Variants in SNAPC4 observed in about 807,000 individuals in gnomAD.
The protein encoded by SNAPC4 is small nuclear RNA activating complex polypeptide 4.
In SNAPC4, 127 loss-of-function variants were observed where a neutral mutation model predicts 151.3. That is an observed-to-expected ratio of 0.84 (90% CI 0.73 to 0.97). The LOEUF (loss-of-function observed/expected upper bound fraction) is 0.97. Among genes scored for constraint, SNAPC4 ranks in the 50% least tolerant of loss-of-function variants. The pLI, the probability that SNAPC4 is intolerant of heterozygous loss-of-function variation, is 0.00. For missense variants in SNAPC4, 2,186 were observed against 1,935.0 expected, an observed-to-expected ratio of 1.13 and a Z score of -2.43; for synonymous variants, 1,002 against 824.4, an observed-to-expected ratio of 1.22 and a Z score of -3.69.
Position 136,394,991 on chromosome 9 carries a change from C to G in SNAPC4, c.472-113G>C, listed in dbSNP as rs575062100. ...TCGGGCTCCCCCTGCCTCCTGTTCTCCCGTACTGTGAGGCTGTGGGGGTGC... is the reference window on the plus strand; with the variant it reads ...TCGGGCTCCCCCTGCCTCCTGTTCTGCCGTACTGTGAGGCTGTGGGGGTGC... On this transcript the variant is annotated intron_variant, in intron 5 of 23. Coordinates refer to ENST00000684778, the MANE Select transcript of SNAPC4 (RefSeq NM_003086.4). 8.3e-5 allele frequency: 81 copies of G among 978,002 alleles called. 1 individual carries two copies. Among genetic ancestry groups the G allele is most frequent in the South Asian group, 6.5e-4 (41 of 62,886 alleles). The allele number at this position is 978,002 out of a possible 1,614,324, so 60.6% of individuals were successfully genotyped here. A position where few individuals can be genotyped will look rare whatever the true frequency, so the allele number is the denominator to read the frequency against.
In SNAPC4 at chr9:136,379,361, C is replaced by T. The variant is rs111659879; in HGVS notation, c.2528-62G>A. 47 of 1,596,742 alleles carry T rather than the reference C, an allele frequency of 2.9e-5. 1 individual carries two copies. The highest frequency in any genetic ancestry group is 1.6e-4 in the African/African-American group (12 of 74,766). On this transcript the variant is annotated intron_variant, in intron 21 of 23. Transcript: ENST00000684778. ...GGCATCTGGCCCAGGGACAGCCCCT[C>T]GCTGCCATCCCCTCATCAGGAGGGA...
chr9:136,397,796 G>A (rs924262280), intron 2 of SNAPC4, among the ~76,000 whole-genome samples: 4 of 151,886 alleles, frequency 2.6e-5, no homozygotes, highest in Non-Finnish European at 5.9e-5. Context: ...GGTGTGAGCT[G>A]TGTTGACCAT....
At chr9:136,380,979 C>G in intron 19 of SNAPC4, 129 bp from the exon 20 acceptor site, 1 of 621,780 alleles carries the variant, frequency 1.6e-6, no homozygotes, top group Middle Eastern at 2.8e-4. Context: ...GCCTTCCTGC[C>G]CTTCTGATGC....
Position 136,384,773 on chromosome 9 carries a change from C to T in SNAPC4, c.1367G>A (p.Trp456Ter), listed in dbSNP as rs1833832372. 6.3e-7 allele frequency: 1 copy of T among 1,596,704 alleles called. No individual in the cohort carries two copies. The highest frequency in any genetic ancestry group is 1.3e-5 in the African/African-American group (1 of 74,430). Residue 456 changes from tryptophan to a stop codon, truncating the protein, a stop_gained, in exon 14 of 24, where the codon TGG becomes TAG. Transcript: ENST00000684778. LOFTEE classifies it high-confidence loss of function. ...RLHFSLKKGR[W>*]NLKEEEQLIE... ...TAACTGTTCCTCTTCTTTTAAATTC[C>T]ACCGACCCTTTTTCAAGCTGAAATG... is the stretch of plus-strand genomic sequence containing the variant.
At position 136,386,697 on chromosome 9, in the gene SNAPC4, G is replaced by A. The variant is rs1833901786; in HGVS notation, c.1325+788C>T. Reference sequence around the variant, plus strand: ...GATCCGCCGGCCTCGGCCTCCCAAAGTGTTGGGATTATAGGCGTGAGCCAC... The same window carrying A: ...GATCCGCCGGCCTCGGCCTCCCAAAATGTTGGGATTATAGGCGTGAGCCAC... On this transcript the variant is annotated intron_variant, in intron 13 of 23. Coordinates refer to ENST00000684778, the MANE Select transcript of SNAPC4 (RefSeq NM_003086.4). Among the ~76,000 whole-genome samples the A allele has an allele frequency of 3.3e-5, 5 of 152,262 alleles. No homozygotes were observed. In the South Asian group the frequency reaches 1.0e-3, roughly 32 times the overall value.
chr9:136,398,254 G>A, intron 2 of SNAPC4, 45 bp downstream of exon 2: 2 of 1,578,062 alleles, frequency 1.3e-6, no homozygotes, highest in East Asian at 4.5e-5. Flanking sequence ...AGGCAGACCA[G>A]CTGTTCTTAC....
At position 136,376,450 on chromosome 9, in the gene SNAPC4, G is replaced by A. The variant is rs1268445499; in HGVS notation, c.4316C>T (p.Ser1439Phe). 7 of 1,613,436 alleles carry A rather than the reference G, an allele frequency of 4.3e-6. No individual in the cohort carries two copies. The highest frequency in any genetic ancestry group is 4.5e-5 in the East Asian group (2 of 44,880). ...GAPDSGKCSASSCLDTSNDPD... is the reference protein window; with the variant it reads ...GAPDSGKCSAFSCLDTSNDPD... ...GTCATTAGAAGTATCCAGGCAGGAG[G>A]AAGCAGAGCATTTACCAGAGTCTGG... is the stretch of plus-strand genomic sequence containing the variant. The change falls in exon 23 of 24, where the codon TCC becomes TTC. Residue 1439 changes from serine to phenylalanine, a missense_variant. Coordinates refer to ENST00000684778, the MANE Select transcript of SNAPC4 (RefSeq NM_003086.4).
intron 16 of SNAPC4, 142 bp from the exon 17 acceptor site, chr9:136,382,478 C>A (rs1001499089): frequency 1.4e-6 from 1 of 728,676 alleles, no homozygotes; most frequent in Middle Eastern, 2.5e-4. Flanking sequence ...CTCATGGGAA[C>A]GTCCACCATG....
chr9:136,397,726 AGAGCACTTGGGGTGGG>A (rs1306834890), intron 2 of SNAPC4, among the ~76,000 whole-genome samples: 23 of 36,726 alleles, frequency 6.3e-4, no homozygotes, highest in South Asian at 2.5e-3. Flanking sequence ...CGTGGGGAGG[AGAGCACTTGGGGTGGG>A]GAGCACGTGG....
At position 136,395,428 on chromosome 9, in the gene SNAPC4, G is replaced by A. The variant is rs1834233465; in HGVS notation, c.346-5C>T. The A allele has an allele frequency of 2.5e-6, 4 of 1,612,082 alleles. No homozygotes were observed. In the African/African-American group the frequency reaches 5.3e-5, roughly 21 times the overall value. On this transcript the variant is annotated splice_polypyrimidine_tract_variant and splice_region_variant and intron_variant, in intron 4 of 23. Coordinates refer to ENST00000684778, the MANE Select transcript of SNAPC4 (RefSeq NM_003086.4). ...CAGATCCCTCATGAGTTCCTCCTGT[G>A]ACAGACACAAGGCAGGGACCCCTCT...
At chr9:136,387,046 C>T (rs534387796) in intron 13 of SNAPC4, among the ~76,000 whole-genome samples, 3 of 152,324 alleles carry the variant, frequency 2.0e-5, no homozygotes, top group East Asian at 3.9e-4. Flanking sequence ...CGCCCAGCTT[C>T]GGAAATATAC....
intron 10 of SNAPC4, among the ~76,000 whole-genome samples, chr9:136,391,555 AGTCCTTAC>A (rs144719206): frequency 0.23 from 34,304 of 152,148 alleles, 4,062 homozygotes; most frequent in Admixed American, 0.27. Context: ...TAAAGAACTG[AGTCCTTAC>A]TCAGGAAACC....
chr9:136,392,130 C>T lies in SNAPC4; in HGVS notation c.811-24G>A, dbSNP rs1212433585. ...AACTGCACCGACAGAGACACTCAGC[C>T]TTGCAGGCCACTGACCCCAGGGGCA... On this transcript the variant is annotated intron_variant, in intron 9 of 23. Coordinates refer to ENST00000684778, the MANE Select transcript of SNAPC4 (RefSeq NM_003086.4). 1.9e-6 allele frequency: 3 copies of T among 1,610,074 alleles called. 1 individual carries two copies. Among genetic ancestry groups the T allele is most frequent in the African/African-American group, 2.7e-5 (2 of 75,032 alleles).
chr9:136,379,350 G>T, intron 21 of SNAPC4, 51 bp from the exon 22 acceptor site: 1 of 1,606,104 alleles, frequency 6.2e-7, no homozygotes, highest in South Asian at 1.1e-5. Flanking sequence ...TCTGGCCCAG[G>T]GACAGCCCCT....
At chr9:136,390,615 G>A (rs1203620109) in intron 10 of SNAPC4, among the ~76,000 whole-genome samples, 1 of 150,708 alleles carries the variant, frequency 6.6e-6, no homozygotes, top group Non-Finnish European at 1.5e-5. Context: ...CGCAAGCTGG[G>A]CTGAATCCCT....
At chr9:136,396,714 G>C (rs1237685819) in intron 3 of SNAPC4, among the ~76,000 whole-genome samples, 6 of 152,200 alleles carry the variant, frequency 3.9e-5, no homozygotes, top group Non-Finnish European at 8.8e-5. Flanking sequence ...TTCCGCAAGT[G>C]ACAGATGCCA....
In SNAPC4 at chr9:136,377,894, C is replaced by T. The variant is rs759939321; in HGVS notation, c.3933G>A (p.Leu1311=). 4.3e-6 allele frequency: 7 copies of T among 1,611,430 alleles called. No homozygotes were observed. Among genetic ancestry groups the T allele is most frequent in the South Asian group, 3.3e-5 (3 of 91,070 alleles). ...LPYQPPALCS[L]RALSGLLLHK... ...GGAGTAGGAGACCGGACAGAGCTCG[C>T]AGGCTGCACAGGGCTGGGGGCTGAT... The change falls in exon 22 of 24, where the codon CTG becomes CTA. Residue 1311 remains leucine (L), a synonymous_variant. Transcript: ENST00000684778.
At chr9:136,379,422 G>A (rs1317881013) in intron 21 of SNAPC4, 123 bp from the exon 22 acceptor site, 8 of 1,454,370 alleles carry the variant, frequency 5.5e-6, no homozygotes, top group African/African-American at 2.8e-5. Context: ...GCCAAGAGAG[G>A]GTCAAGCGGC....
chr9:136,394,445 A>C, intron 6 of SNAPC4, 115 bp from the exon 7 acceptor site: 1 of 872,286 alleles, frequency 1.1e-6, no homozygotes, highest in Non-Finnish European at 1.9e-6. Flanking sequence ...GCGAGTAAGC[A>C]GCACGCCAGA....
Sources: gnomAD v4.1 joint callset for allele counts (sites outside exome capture counted in the v4.1 genomes callset) on GRCh38, gnomAD v4.1.1 for gene constraint, MANE v1.5 for transcripts, NCBI Gene and HGNC (gene_info 2026-07-23, HGNC 2026-07-21) for gene names.